Variants in GRIP1 observed in about 807,000 individuals in gnomAD.
GRIP1 encodes the protein glutamate receptor interacting protein 1.
A neutral mutation model predicts 129.9 loss-of-function variants in GRIP1; 45 were observed. The ratio of observed to expected loss-of-function variants is 0.35; its 90% CI spans 0.27 to 0.44. The LOEUF (loss-of-function observed/expected upper bound fraction) is 0.44, where lower values mean the gene tolerates loss of function less well. Ranked by LOEUF, GRIP1 falls within the 20% of genes least tolerant of loss-of-function variation. The probability of loss-of-function intolerance (pLI) is 1.00; values close to 1 mark genes in which losing one functional copy is unlikely to be tolerated. For missense variants in GRIP1, 1,196 were observed against 1,396.8 expected, an observed-to-expected ratio of 0.86 and a Z score of 2.29; for synonymous variants, 530 against 520.8, an observed-to-expected ratio of 1.02 and a Z score of -0.24.
At chr12:66,789,966 A>T (rs556858657) in intron 1 of GRIP1, among the ~76,000 whole-genome samples, 6 of 152,288 alleles carry the variant, frequency 3.9e-5, no homozygotes, top group African/African-American at 1.2e-4. Flanking sequence ...ACCATTTAGA[A>T]TCCATTAAAT....
intron 6 of GRIP1, among the ~76,000 whole-genome samples, chr12:66,517,461 T>C (rs17181267): frequency 0.094 from 14,312 of 152,204 alleles, 830 homozygotes; most frequent in Non-Finnish European, 0.13. Context: ...ATGTTGAGAA[T>C]GGTAAGAATC....
intron 1 of GRIP1, among the ~76,000 whole-genome samples, chr12:66,843,955 GACT>G (rs757234070): frequency 1.3e-5 from 2 of 152,010 alleles, no homozygotes; most frequent in Admixed American, 6.6e-5. Flanking sequence ...AGATAAAATT[GACT>G]ACATCTTAAT....
At chr12:66,532,531 T>C (rs1048199061) in intron 4 of GRIP1, among the ~76,000 whole-genome samples, 5 of 152,076 alleles carry the variant, frequency 3.3e-5, no homozygotes, top group African/African-American at 7.2e-5. Flanking sequence ...TCAATAGGAG[T>C]TGTGAACTTT....
chr12:66,938,178 C>A (rs1462691201), intron 1 of GRIP1, among the ~76,000 whole-genome samples: 2 of 151,950 alleles, frequency 1.3e-5, no homozygotes, highest in Non-Finnish European at 2.9e-5. Context: ...GAGATCAAGA[C>A]CATCCTGGCC....
At chr12:66,408,817 C>T (rs551426441) in intron 15 of GRIP1, among the ~76,000 whole-genome samples, 5 of 152,234 alleles carry the variant, frequency 3.3e-5, no homozygotes, top group South Asian at 2.1e-4. Context: ...AGAAGAGTCC[C>T]GGCCCTGGCA....
At chr12:66,816,222 C>T (rs1391481752) in intron 1 of GRIP1, among the ~76,000 whole-genome samples, 1 of 152,092 alleles carries the variant, frequency 6.6e-6, no homozygotes, top group Non-Finnish European at 1.5e-5. Flanking sequence ...GGTAAATAGA[C>T]CCACTGGAGG....
At position 66,934,012 on chromosome 12, in the gene GRIP1, C is replaced by A. The variant is rs560615945; in HGVS notation, c.58+135038G>T. 7.2e-5 allele frequency among the ~76,000 whole-genome samples: 11 copies of A among 152,256 alleles called. No individual in the cohort carries two copies. In the South Asian group the frequency reaches 2.3e-3, roughly 32 times the overall value. On this transcript the variant is annotated intron_variant, in intron 1 of 1. Coordinates refer to the GRIP1 transcript ENST00000643019. ...GCATTACTCATTCTCCTAAAGTGTA[C>A]AAAACATGTTCTCTCACAATTCATA...
chr12:66,967,164 G>GT (rs2042010057), intron 1 of GRIP1, among the ~76,000 whole-genome samples: 1 of 151,980 alleles, frequency 6.6e-6, no homozygotes, highest in African/African-American at 2.4e-5. Context: ...TTTTGTGTTT[G>GT]TTTTTGTTTT....
At chr12:66,991,644 T>C (rs1419233152) in intron 1 of GRIP1, among the ~76,000 whole-genome samples, 6 of 152,236 alleles carry the variant, frequency 3.9e-5, no homozygotes, top group African/African-American at 1.2e-4. Context: ...CATATTCACA[T>C]ATTACATTAT....
Position 66,815,859 on chromosome 12 carries a change from TC to T in GRIP1, c.59-218933del, listed in dbSNP as rs1566036811. On this transcript the variant is annotated intron_variant, in intron 1 of 1. Transcript: ENST00000643019. ...TTCTTTCTTTCTTTCTTTCTTTCTCTCTCTCTCTCTCTCTCTCTCTCTTTCT... is the reference window on the plus strand; with the variant it reads ...TTCTTTCTTTCTTTCTTTCTTTCTCTTCTCTCTCTCTCTCTCTCTCTTTCT... 2.7e-5 allele frequency among the ~76,000 whole-genome samples: 4 copies of T among 148,666 alleles called. No homozygotes were observed. The East Asian group carries it at 7.9e-4, about 30-fold the overall frequency.
intron 7 of GRIP1, among the ~76,000 whole-genome samples, chr12:66,470,796 C>A (rs2059417270): frequency 6.6e-6 from 1 of 152,066 alleles, no homozygotes; most frequent in Non-Finnish European, 1.5e-5. Flanking sequence ...AGGGAAACTA[C>A]AAGGGATGAT....
intron 1 of GRIP1, among the ~76,000 whole-genome samples, chr12:67,013,512 T>C (rs1037647994): frequency 2.0e-5 from 3 of 152,068 alleles, no homozygotes; most frequent in Admixed American, 6.6e-5. Flanking sequence ...AATTGAAAAT[T>C]AGGAAGAAAG....
At chr12:66,371,542 T>C in intron 23 of GRIP1, 152 bp downstream of exon 23, 2 of 671,984 alleles carry the variant, frequency 3.0e-6, no homozygotes, top group South Asian at 3.3e-5. Flanking sequence ...GATTGTATTT[T>C]GAGAACAAAG....
chr12:66,548,749 G>A (rs567857517), intron 2 of GRIP1, among the ~76,000 whole-genome samples: 222 of 152,288 alleles, frequency 1.5e-3, no homozygotes, highest in African/African-American at 5.0e-3. Flanking sequence ...ATCTGTCACT[G>A]AGAAAGGGAA....
intron 1 of GRIP1, among the ~76,000 whole-genome samples, chr12:67,037,955 C>A (rs556597944): frequency 6.6e-6 from 1 of 152,272 alleles, no homozygotes; most frequent in South Asian, 2.1e-4. Context: ...AAAACTACTT[C>A]AAACTATGCA....
In GRIP1 at chr12:66,578,237, T is replaced by TTTTTTG. The variant is rs1555210378; in HGVS notation, c.136+18609_136+18610insCAAAAA. 4.2e-5 allele frequency among the ~76,000 whole-genome samples: 6 copies of TTTTTTG among 142,304 alleles called. No homozygotes were observed. The South Asian group carries it at 1.2e-3, about 28-fold the overall frequency. 93.4% of individuals were successfully genotyped at this position (142,304 alleles called of 152,430 possible). Reference sequence around the variant, plus strand: ...ACTAATATGGCAAAACCGCGGTTTTTTTTTTTTTTTTTGTAAAAATACAAA... The same window carrying TTTTTTG: ...ACTAATATGGCAAAACCGCGGTTTTTTTTTTGTTTTTTTTTTTTGTAAAAATACAAA... On this transcript the variant is annotated intron_variant, in intron 2 of 24. Coordinates refer to ENST00000359742, the MANE Select transcript of GRIP1 (RefSeq NM_001366722.1).
upstream of GRIP1, among the ~76,000 whole-genome samples, chr12:66,683,784 C>T (rs189116537): frequency 9.1e-4 from 138 of 152,292 alleles, no homozygotes; most frequent in Non-Finnish European, 1.8e-3. Context: ...AGAAATTCAT[C>T]AGCTAAAAGC....
intron 1 of GRIP1, among the ~76,000 whole-genome samples, chr12:66,648,856 G>A (rs548182208): frequency 7.9e-5 from 12 of 152,238 alleles, no homozygotes; most frequent in African/African-American, 2.6e-4. Flanking sequence ...ACATTGTAAA[G>A]GAAAGTTGAC....
At position 66,584,832 on chromosome 12, in the gene GRIP1, C is replaced by T. The variant is rs145390943; in HGVS notation, c.136+12015G>A. Among the ~76,000 whole-genome samples the T allele has an allele frequency of 9.5e-4, 144 of 152,062 alleles. 1 individual carries two copies. In the East Asian group the frequency reaches 0.02, roughly 21 times the overall value. On this transcript the variant is annotated intron_variant, in intron 2 of 24. Transcript: ENST00000359742. Reference sequence around the variant, plus strand: ...CTTTGAAATGATACCTCCTCTCTCTCTGCGCCTTGAACATCTCCTTCCCCT... The same window carrying T: ...CTTTGAAATGATACCTCCTCTCTCTTTGCGCCTTGAACATCTCCTTCCCCT...
Sources: allele counts gnomAD v4.1 joint callset (sites outside exome capture counted in the v4.1 genomes callset), GRCh38; gene constraint gnomAD v4.1.1; transcripts MANE v1.5; gene names NCBI Gene and HGNC (gene_info 2026-07-23, HGNC 2026-07-21).